MGAT4C: variants seen among roughly 807,000 people sequenced by gnomAD.
MGAT4C encodes MGAT4 family member C.
In MGAT4C, 19 loss-of-function variants were observed where a neutral mutation model predicts 40.1. The ratio of observed to expected loss-of-function variants is 0.47; its 90% CI spans 0.33 to 0.70. MGAT4C has a LOEUF of 0.70. MGAT4C is among the 30% of genes least tolerant of loss of function. The pLI, the probability that MGAT4C is intolerant of heterozygous loss-of-function variation, is 0.02. For synonymous variants in MGAT4C, 181 were observed against 187.1 expected (o/e 0.97, Z 0.27); for missense variants, 491 against 563.2 (o/e 0.87, Z 1.30).
intron 2 of MGAT4C, among the ~76,000 whole-genome samples, chr12:86,594,655 T>C (rs1961463066): frequency 6.6e-6 from 1 of 152,188 alleles, no homozygotes; most frequent in Non-Finnish European, 1.5e-5. Context: ...ATTTGAGCAA[T>C]TAAAAGCAAA....
intron 2 of MGAT4C, among the ~76,000 whole-genome samples, chr12:86,603,209 C>G (rs1961849791): frequency 7.1e-6 from 1 of 141,456 alleles, no homozygotes; most frequent in African/African-American, 2.6e-5. Flanking sequence ...TAGAATAATA[C>G]TATATAGTAT....
chr12:85,968,998 G>T lies in MGAT4C; in HGVS notation c.*10291C>A, dbSNP rs1171555926. 1 of 151,748 alleles carries T rather than the reference G, an allele frequency of 6.6e-6. No homozygotes were observed. 9.4% of individuals were successfully genotyped at this position (151,748 alleles called of 1,614,324 possible). On this transcript the variant is annotated 3_prime_UTR_variant, in exon 5 of 5. Coordinates refer to ENST00000611864, the MANE Select transcript of MGAT4C (RefSeq NM_001351288.2). Reference sequence around the variant, plus strand: ...GTCATTTCTGTTTTAATACTTCATAGACTTGTAAGGATGTAATGTAGTGTT... The same window carrying T: ...GTCATTTCTGTTTTAATACTTCATATACTTGTAAGGATGTAATGTAGTGTT...
intron 1 of MGAT4C, among the ~76,000 whole-genome samples, chr12:86,066,773 AACCT>A (rs1894585973): frequency 6.6e-6 from 1 of 152,192 alleles, no homozygotes; most frequent in South Asian, 2.1e-4. Context: ...GTGAACAGGC[AACCT>A]AAAGAATGGG....
intron 3 of MGAT4C, among the ~76,000 whole-genome samples, chr12:86,351,276 C>T (rs1955155361): frequency 6.6e-6 from 1 of 151,896 alleles, no homozygotes; most frequent in Admixed American, 6.6e-5. Context: ...TGATATATAA[C>T]AATACCTGTA....
At chr12:86,264,608 G>A (rs1476554890) in intron 4 of MGAT4C, among the ~76,000 whole-genome samples, 1 of 152,164 alleles carries the variant, frequency 6.6e-6, no homozygotes, top group African/African-American at 2.4e-5. Flanking sequence ...CTGTGTGTGC[G>A]GACCCGGGCA....
chr12:86,480,669 T>C (rs1156637386), intron 2 of MGAT4C, among the ~76,000 whole-genome samples: 1 of 151,608 alleles, frequency 6.6e-6, no homozygotes, highest in East Asian at 1.9e-4. Context: ...CGTATGTGTG[T>C]ATATATGTAT....
chr12:86,051,077 T>C (rs957719572), intron 1 of MGAT4C, among the ~76,000 whole-genome samples: 4 of 152,008 alleles, frequency 2.6e-5, no homozygotes, highest in Non-Finnish European at 5.9e-5. Context: ...GTTTGGTTTA[T>C]GGAGTTTATG....
chr12:86,812,809 G>A (rs1952503217), intron 1 of MGAT4C, among the ~76,000 whole-genome samples: 1 of 152,002 alleles, frequency 6.6e-6, no homozygotes, highest in Non-Finnish European at 1.5e-5. Flanking sequence ...CCTTTACTGG[G>A]CTATCCCAGT....
chr12:86,009,889 G>T (rs1024428798), intron 2 of MGAT4C, among the ~76,000 whole-genome samples: 2 of 152,138 alleles, frequency 1.3e-5, no homozygotes, highest in African/African-American at 4.8e-5. Flanking sequence ...ATGTAAATGA[G>T]TTGGTTGTGT....
chr12:86,191,674 C>CACACACACA (rs1889494146), intron 1 of MGAT4C, among the ~76,000 whole-genome samples: 1 of 115,472 alleles, frequency 8.7e-6, no homozygotes, highest in African/African-American at 2.9e-5. Context: ...CACACACACA[C>CACACACACA]CCTTATCTCC....
chr12:86,251,393 C>A (rs1487178347), intron 1 of MGAT4C, among the ~76,000 whole-genome samples: 1 of 151,932 alleles, frequency 6.6e-6, no homozygotes, highest in Non-Finnish European at 1.5e-5. Context: ...TTAGACACAC[C>A]TGGTCCCAGA....
chr12:86,485,110 A>G (rs1363727238), intron 2 of MGAT4C, among the ~76,000 whole-genome samples: 2 of 152,196 alleles, frequency 1.3e-5, no homozygotes, highest in Non-Finnish European at 2.9e-5. Context: ...CTTACAGACT[A>G]TACTAAACTC....
intron 1 of MGAT4C, among the ~76,000 whole-genome samples, chr12:86,733,450 A>AACAC (rs200290051): frequency 6.6e-6 from 1 of 151,996 alleles, no homozygotes; most frequent in African/African-American, 2.4e-5. Context: ...CAAACAAACA[A>AACAC]ACACAAAGTT....
chr12:86,474,260 T>C (rs1274409182), intron 2 of MGAT4C, among the ~76,000 whole-genome samples: 1 of 150,140 alleles, frequency 6.7e-6, no homozygotes, highest in East Asian at 2.0e-4. Context: ...TCTCAGCAAA[T>C]TATCGCAAGG....
Position 86,781,628 on chromosome 12 carries a change from G to A in MGAT4C, c.-261-54387C>T, listed in dbSNP as rs968907692. On this transcript the variant is annotated intron_variant, in intron 1 of 7. Coordinates refer to the MGAT4C transcript ENST00000548651. ...ACAAGGCACTTTTCTAGACACTTAC[G>A]GTGGCCAGAAAAAAAAAATGACAAC... Among the ~76,000 whole-genome samples, 3 of 151,236 alleles carry A rather than the reference G, an allele frequency of 2.0e-5. 1 individual carries two copies. The highest frequency in any genetic ancestry group is 4.2e-4 in the South Asian group (2 of 4,796).
intron 2 of MGAT4C, among the ~76,000 whole-genome samples, chr12:86,564,890 T>C (rs1056820226): frequency 3.9e-5 from 6 of 152,136 alleles, no homozygotes; most frequent in Admixed American, 6.5e-5. Flanking sequence ...ACTTGGGCCA[T>C]ATGACTCAGC....
chr12:86,768,755 C>T (rs1277844180), intron 1 of MGAT4C, among the ~76,000 whole-genome samples: 7 of 152,040 alleles, frequency 4.6e-5, no homozygotes, highest in Admixed American at 6.6e-5. Flanking sequence ...CTGAGAAAAA[C>T]GAGCAATGGG....
At chr12:86,770,815 A>C (rs1316226659) in intron 1 of MGAT4C, among the ~76,000 whole-genome samples, 1 of 152,128 alleles carries the variant, frequency 6.6e-6, no homozygotes, top group Non-Finnish European at 1.5e-5. Context: ...TTAAGTGTAT[A>C]AATTTTAAGT....
rs372521921 is a variant in MGAT4C, at chr12:86,043,039, T to C, written c.-7+6635A>G. On this transcript the variant is annotated intron_variant, in intron 2 of 4. Coordinates refer to ENST00000611864, the MANE Select transcript of MGAT4C (RefSeq NM_001351288.2). ...TTCATTTCGATCTTAGAGAATCTGATGACTATGAGTCTTGGGGATGGTCAT... is the reference window on the plus strand; with the variant it reads ...TTCATTTCGATCTTAGAGAATCTGACGACTATGAGTCTTGGGGATGGTCAT... Among the ~76,000 whole-genome samples the C allele has an allele frequency of 2.6e-5, 4 of 152,156 alleles. No homozygotes were observed. The South Asian group carries it at 6.2e-4, about 24-fold the overall frequency.
Sources: gnomAD v4.1 joint callset for allele counts (sites outside exome capture counted in the v4.1 genomes callset) on GRCh38, gnomAD v4.1.1 for gene constraint, MANE v1.5 for transcripts, NCBI Gene and HGNC (gene_info 2026-07-23, HGNC 2026-07-21) for gene names.